Variants in NOL10 observed in about 807,000 individuals in gnomAD.
The protein encoded by NOL10 is nucleolar protein 10, also known as H_NH0074G24.1.
In NOL10, 58 loss-of-function variants were observed where a neutral mutation model predicts 103.5. The ratio of observed to expected loss-of-function variants is 0.56; its 90% CI spans 0.45 to 0.70. The LOEUF (loss-of-function observed/expected upper bound fraction) is 0.70. Among genes scored for constraint, NOL10 ranks in the 30% least tolerant of loss-of-function variants. NOL10 has a pLI of 0.00. For missense variants in NOL10, 763 were observed against 807.3 expected (o/e 0.95, Z 0.67); for synonymous variants, 287 against 282.5 (o/e 1.02, Z -0.16).
intron 17 of NOL10, among the ~76,000 whole-genome samples, chr2:10,595,332 T>C (rs569271296): frequency 1.5e-5 from 2 of 131,600 alleles, no homozygotes; most frequent in East Asian, 4.0e-4. Flanking sequence ...TTTGTTTTTG[T>C]TTTTGACAGA....
intron 13 of NOL10, among the ~76,000 whole-genome samples, chr2:10,624,157 C>T (rs145434284): frequency 0.014 from 2,141 of 151,748 alleles, 32 homozygotes; most frequent in Non-Finnish European, 0.023. Flanking sequence ...ATTTCTTTCT[C>T]CAGAAGTAGA....
chr2:10,640,995 C>T (rs1359984925), intron 13 of NOL10, among the ~76,000 whole-genome samples: 1 of 151,090 alleles, frequency 6.6e-6, no homozygotes, highest in Non-Finnish European at 1.5e-5. Flanking sequence ...ACCAGTCTGG[C>T]CAATATGGTG....
At chr2:10,667,336 A>G in intron 7 of NOL10, 58 bp from the exon 8 acceptor site, 1 of 1,200,596 alleles carries the variant, frequency 8.3e-7, no homozygotes, top group South Asian at 1.3e-5. Flanking sequence ...TTAGTGGGGA[A>G]GGAATATTAA....
chr2:10,683,390 A>G (rs1229792752), intron 2 of NOL10, among the ~76,000 whole-genome samples: 1 of 152,194 alleles, frequency 6.6e-6, no homozygotes, highest in African/African-American at 2.4e-5. Flanking sequence ...TAAACCCTAC[A>G]TGTAAAATTC....
intron 13 of NOL10, among the ~76,000 whole-genome samples, chr2:10,624,861 G>T (rs1677362893): frequency 6.6e-6 from 1 of 152,160 alleles, no homozygotes; most frequent in Non-Finnish European, 1.5e-5. Flanking sequence ...GCCAAAACTG[G>T]AAACAACCAA....
At chr2:10,620,482 AG>A (rs1320298398) in intron 13 of NOL10, among the ~76,000 whole-genome samples, 1 of 152,236 alleles carries the variant, frequency 6.6e-6, no homozygotes, top group East Asian at 1.9e-4. Context: ...GCACGGAACT[AG>A]GAAATCCTGA....
intron 14 of NOL10, among the ~76,000 whole-genome samples, chr2:10,604,009 C>T (rs1172745986): frequency 6.6e-6 from 1 of 152,192 alleles, no homozygotes; most frequent in African/African-American, 2.4e-5. Context: ...CAGGGAGGGA[C>T]AGTTTCAGGA....
chr2:10,625,357 G>A (rs1474020261), intron 13 of NOL10, among the ~76,000 whole-genome samples: 5 of 152,132 alleles, frequency 3.3e-5, no homozygotes, highest in African/African-American at 1.2e-4. Context: ...GAGGGAGCGT[G>A]TGGGGGAGGG....
intron 2 of NOL10, 82 bp from the exon 3 acceptor site, chr2:10,682,151 T>G (rs911778877): frequency 7.9e-6 from 4 of 506,898 alleles, no homozygotes; most frequent in East Asian, 3.5e-5. Flanking sequence ...TACCAAGCAG[T>G]CACCACAACT....
intron 6 of NOL10, among the ~76,000 whole-genome samples, chr2:10,669,466 T>TG (rs1553313389): frequency 7.0e-6 from 1 of 142,726 alleles, no homozygotes; most frequent in Non-Finnish European, 1.5e-5. Context: ...TTTTTATTTT[T>TG]TATATATATA....
chr2:10,637,402 G>C (rs1296040784), intron 13 of NOL10, among the ~76,000 whole-genome samples: 1 of 152,030 alleles, frequency 6.6e-6, no homozygotes, highest in East Asian at 1.9e-4. Flanking sequence ...GATTTCAAAA[G>C]CATCTCCCTG....
At chr2:10,634,123 G>A (rs929926932) in intron 13 of NOL10, among the ~76,000 whole-genome samples, 2 of 152,104 alleles carry the variant, frequency 1.3e-5, no homozygotes, top group African/African-American at 4.8e-5. Flanking sequence ...CAACCGCACT[G>A]GGCCTGTTTT....
chr2:10,620,425 T>C (rs906014109), intron 13 of NOL10, among the ~76,000 whole-genome samples: 2 of 152,344 alleles, frequency 1.3e-5, no homozygotes, highest in Admixed American at 6.5e-5. Flanking sequence ...TGAAAAAATA[T>C]ATTAACACCA....
At chr2:10,649,311 ATTTTTTTTTTTTT>A (rs56031158) in intron 12 of NOL10, among the ~76,000 whole-genome samples, 4 of 99,062 alleles carry the variant, frequency 4.0e-5, no homozygotes, top group African/African-American at 1.2e-4. Flanking sequence ...GTATGTTTGA[ATTTTTTTTTTTTT>A]TTTTTTTTTT....
intron 17 of NOL10, among the ~76,000 whole-genome samples, chr2:10,595,144 CAGAGAGAG>C (rs77723934): frequency 1.8e-4 from 22 of 124,148 alleles, no homozygotes; most frequent in South Asian, 2.8e-4. Flanking sequence ...GGGGAGGGGG[CAGAGAGAG>C]AGAGAGAGAG....
intron 17 of NOL10, 146 bp from the exon 18 acceptor site, chr2:10,589,897 G>C (rs1675308480): frequency 2.1e-6 from 1 of 483,742 alleles, no homozygotes; most frequent in Non-Finnish European, 3.4e-6. Flanking sequence ...ATTTCTTCCA[G>C]GACTTTCAAC....
rs751070782 is a variant in NOL10, at chr2:10,589,082, C to T, written c.1805G>A (p.Arg602Lys). 6.2e-7 allele frequency: 1 copy of T among 1,614,000 alleles called. No individual in the cohort carries two copies. Among genetic ancestry groups the T allele is most frequent in the South Asian group, 1.1e-5 (1 of 91,082 alleles). The change falls in exon 19 of 21, where the codon AGA becomes AAA. Residue 602 changes from arginine to lysine, a missense_variant. By Grantham distance (26) the Arg-to-Lys change is conservative. Transcript: ENST00000381685. ...CTTTGTGGCAGAATCTTTGAAGCTTCTAAATTCTTCTCCTGCTTTGATCTC... is the reference window on the plus strand; with the variant it reads ...CTTTGTGGCAGAATCTTTGAAGCTTTTAAATTCTTCTCCTGCTTTGATCTC... The part of the protein sequence containing the change: ...FYEIKAGEEF[R>K]SFKDSATKQK...
intron 16 of NOL10, among the ~76,000 whole-genome samples, chr2:10,601,399 T>C (rs1483329951): frequency 1.3e-5 from 2 of 151,858 alleles, no homozygotes; most frequent in African/African-American, 4.8e-5. Context: ...ATTATCCTCA[T>C]AGTAGGAAAT....
chr2:10,626,537 CA>C (rs201365058), intron 13 of NOL10, among the ~76,000 whole-genome samples: 2 of 149,170 alleles, frequency 1.3e-5, no homozygotes, highest in African/African-American at 2.5e-5. Flanking sequence ...AAAACAAAAC[CA>C]AAAAAAAAGA....
Sources: gnomAD v4.1 joint callset for allele counts (sites outside exome capture counted in the v4.1 genomes callset) on GRCh38, gnomAD v4.1.1 for gene constraint, MANE v1.5 for transcripts, NCBI Gene and HGNC (gene_info 2026-07-23, HGNC 2026-07-21) for gene names.